SUSD4: variants seen among roughly 807,000 people sequenced by gnomAD.
The protein encoded by SUSD4 is sushi domain-containing protein 4.
SUSD4 carries 41 observed loss-of-function variants against 50.5 expected under a neutral mutation model. That is an observed-to-expected ratio of 0.81 (90% confidence interval 0.63 to 1.05). The LOEUF (loss-of-function observed/expected upper bound fraction) is 1.05, where lower values mean the gene tolerates loss of function less well. Ranked by LOEUF, SUSD4 falls within the 50% of genes least tolerant of loss-of-function variation. SUSD4 has a pLI of 0.00. For missense variants in SUSD4, 580 were observed against 634.7 expected, an observed-to-expected ratio of 0.91 and a Z score of 0.93; for synonymous variants, 257 against 257.3, an observed-to-expected ratio of 1.00 and a Z score of 0.01.
chr1:223,333,803 G>A (rs1667309375), intron 2 of SUSD4, among the ~76,000 whole-genome samples: 1 of 152,110 alleles, frequency 6.6e-6, no homozygotes, highest in Admixed American at 6.5e-5. Flanking sequence ...CCTGGCTGGG[G>A]CTTCCAGATG....
chr1:223,336,064 G>A (rs1667438814), intron 2 of SUSD4, among the ~76,000 whole-genome samples: 1 of 151,958 alleles, frequency 6.6e-6, no homozygotes, highest in Non-Finnish European at 1.5e-5. Flanking sequence ...GGAGTAATAA[G>A]TATGTACAAA....
At chr1:223,252,231 A>AT (rs1558183158) in intron 5 of SUSD4, among the ~76,000 whole-genome samples, 132 of 65,216 alleles carry the variant, frequency 2.0e-3, no homozygotes, top group African/African-American at 5.4e-3. Flanking sequence ...AAAAAAAAAA[A>AT]AAAAAATATA....
chr1:223,354,093 T>C (rs1189172996), intron 2 of SUSD4, among the ~76,000 whole-genome samples: 1 of 151,772 alleles, frequency 6.6e-6, no homozygotes, highest in East Asian at 1.9e-4. Flanking sequence ...CAGCTGAGCC[T>C]CGGACAGCTC....
intron 2 of SUSD4, among the ~76,000 whole-genome samples, chr1:223,345,873 A>G (rs1668003625): frequency 6.6e-6 from 1 of 152,084 alleles, no homozygotes; most frequent in Non-Finnish European, 1.5e-5. Flanking sequence ...AGCCTTTGAA[A>G]TGTGCACCCT....
At chr1:223,339,766 A>C (rs1667652222) in intron 2 of SUSD4, among the ~76,000 whole-genome samples, 1 of 152,214 alleles carries the variant, frequency 6.6e-6, no homozygotes, top group Non-Finnish European at 1.5e-5. Context: ...CCACTAACTC[A>C]ACAAGCTTCA....
chr1:223,232,910 T>G (rs1659987936), intron 5 of SUSD4, among the ~76,000 whole-genome samples: 2 of 152,204 alleles, frequency 1.3e-5, no homozygotes, highest in Admixed American at 1.3e-4. Flanking sequence ...TGAGAGGATT[T>G]GAAGATGTAT....
At chr1:223,256,985 TAGGAG>T (rs1661739629) in intron 5 of SUSD4, among the ~76,000 whole-genome samples, 1 of 152,142 alleles carries the variant, frequency 6.6e-6, no homozygotes, top group African/African-American at 2.4e-5. Context: ...TGACTGTTGT[TAGGAG>T]AGATCATGAA....
At chr1:223,245,382 A>AT (rs1660850443) in intron 5 of SUSD4, among the ~76,000 whole-genome samples, 1 of 152,026 alleles carries the variant, frequency 6.6e-6, no homozygotes, top group Non-Finnish European at 1.5e-5. Context: ...TGCACGATGC[A>AT]TAAAAACTAG....
intron 2 of SUSD4, among the ~76,000 whole-genome samples, chr1:223,334,752 G>C (rs563170727): frequency 1.1e-3 from 175 of 152,242 alleles, no homozygotes; most frequent in Non-Finnish European, 2.1e-3. Flanking sequence ...ACATGAGTAA[G>C]TTCTTTAGTG....
rs546360574 is a variant in SUSD4 at position 223,241,700 on chromosome 1, T to A, written c.725-12312A>T. ...CTTTTCAAGGGGTTACTGAAGTTTTTAGACCAGCGATGGTTGTGGACAAGC... is the reference window on the plus strand; with the variant it reads ...CTTTTCAAGGGGTTACTGAAGTTTTAAGACCAGCGATGGTTGTGGACAAGC... On this transcript the variant is annotated intron_variant, in intron 5 of 8. Coordinates refer to ENST00000366878, the MANE Select transcript of SUSD4 (RefSeq NM_017982.4). Among the ~76,000 whole-genome samples the A allele has an allele frequency of 7.5e-3, 1,135 of 152,340 alleles. 6 individuals carry two copies. The highest frequency in any genetic ancestry group is 0.013 in the Non-Finnish European group (868 of 68,030).
At chr1:223,354,426 A>G (rs1257869423) in intron 2 of SUSD4, among the ~76,000 whole-genome samples, 2 of 152,190 alleles carry the variant, frequency 1.3e-5, no homozygotes, top group Non-Finnish European at 2.9e-5. Flanking sequence ...CACCATTTAC[A>G]ATCCAAGGGG....
chr1:223,236,928 G>C (rs955426936), intron 5 of SUSD4, among the ~76,000 whole-genome samples: 1 of 152,018 alleles, frequency 6.6e-6, no homozygotes, highest in Non-Finnish European at 1.5e-5. Context: ...TGAATCTATA[G>C]AGCAAGTTGG....
At chr1:223,236,271 T>C (rs191051308) in intron 5 of SUSD4, among the ~76,000 whole-genome samples, 1 of 152,372 alleles carries the variant, frequency 6.6e-6, no homozygotes, top group African/African-American at 2.4e-5. Context: ...ATGTGCCTTT[T>C]GCAAATATTT....
At chr1:223,362,529 A>G (rs942755552) in intron 2 of SUSD4, among the ~76,000 whole-genome samples, 1 of 152,134 alleles carries the variant, frequency 6.6e-6, no homozygotes, top group African/African-American at 2.4e-5. Context: ...CAACTAAAAG[A>G]TACCCCTCCC....
chr1:223,227,781 A>G lies in SUSD4; in HGVS notation c.917-43T>C, dbSNP rs749954030. 1.3e-6 allele frequency: 2 copies of G among 1,564,472 alleles called. No individual in the cohort carries two copies. Among genetic ancestry groups the G allele is most frequent in the Non-Finnish European group, 1.7e-6 (2 of 1,148,694 alleles). Reference sequence around the variant, plus strand: ...AAGCTGTACGTGAGGCTCCCAGACCATGAGAGGTGCCGAGGTTCCCCGTGG... The same window carrying G: ...AAGCTGTACGTGAGGCTCCCAGACCGTGAGAGGTGCCGAGGTTCCCCGTGG... On this transcript the variant is annotated intron_variant, in intron 6 of 8. Coordinates refer to ENST00000366878, the MANE Select transcript of SUSD4 (RefSeq NM_017982.4). The surrounding 1 kb of genome is among the most constrained non-coding windows in gnomAD (Gnocchi z 4.5).
chr1:223,298,222 C>A (rs1558227682), intron 2 of SUSD4, among the ~76,000 whole-genome samples: 1 of 152,046 alleles, frequency 6.6e-6, no homozygotes, highest in Non-Finnish European at 1.5e-5. Flanking sequence ...GCCAACTACC[C>A]TGTTGGACCC....
At position 223,323,134 on chromosome 1, in the gene SUSD4, C is replaced by T. The variant is rs567992120; in HGVS notation, c.149-30483G>A. 2.6e-5 allele frequency among the ~76,000 whole-genome samples: 4 copies of T among 151,402 alleles called. No individual in the cohort carries two copies. The South Asian group carries it at 6.3e-4, about 24-fold the overall frequency. On this transcript the variant is annotated intron_variant, in intron 2 of 8. Coordinates refer to ENST00000366878, the MANE Select transcript of SUSD4 (RefSeq NM_017982.4). Reference sequence around the variant, plus strand: ...GTTCCTGCTCCTCCTCTCTTAGGGGCTGATCTCACAATGACGGAGGGTGAA... The same window carrying T: ...GTTCCTGCTCCTCCTCTCTTAGGGGTTGATCTCACAATGACGGAGGGTGAA...
chr1:223,235,378 G>A (rs1030026676), intron 5 of SUSD4, among the ~76,000 whole-genome samples: 1 of 151,984 alleles, frequency 6.6e-6, no homozygotes, highest in South Asian at 2.1e-4. Flanking sequence ...ACTCAGAGTC[G>A]AGTTTACATT....
At chr1:223,260,827 G>A (rs1170085845) in intron 5 of SUSD4, among the ~76,000 whole-genome samples, 1 of 152,184 alleles carries the variant, frequency 6.6e-6, no homozygotes, top group Non-Finnish European at 1.5e-5. Flanking sequence ...GCCACCTTTG[G>A]TGAGGCTGCC....
Sources: gnomAD v4.1 joint callset for allele counts (sites outside exome capture counted in the v4.1 genomes callset) on GRCh38, gnomAD v4.1.1 for gene constraint, Gnocchi (gnomAD v3.1) non-coding constraint, MANE v1.5 for transcripts, NCBI Gene and HGNC (gene_info 2026-07-23, HGNC 2026-07-21) for gene names.